PITHD1: variants seen among roughly 807,000 people sequenced by gnomAD.
PITHD1 encodes the protein PITH domain containing 1, also known as PITH domain-containing protein 1.
In PITHD1, 8 loss-of-function variants were observed where a neutral mutation model predicts 27.5. The ratio of observed to expected loss-of-function variants is 0.29; its 90% CI spans 0.17 to 0.52. The LOEUF (loss-of-function observed/expected upper bound fraction) is 0.52. PITHD1 is among the 20% of genes least tolerant of loss of function. The pLI is 0.96. For synonymous variants in PITHD1, 118 were observed against 106.8 expected (o/e 1.10, Z -0.64); for missense variants, 233 against 283.9 (o/e 0.82, Z 1.29).
rs1231823742 is a variant in PITHD1, at chr1:23,787,374, T to C, written c.634T>C (p.Ter212GlnextTer13). 2 of 1,571,660 alleles carry C rather than the reference T, an allele frequency of 1.3e-6. No individual in the cohort carries two copies. Among genetic ancestry groups the C allele is most frequent in the South Asian group, 1.1e-5 (1 of 89,540 alleles). ...QVTPQTHFIS[*>Q] ...TACCCCACAGACACACTTTATTTCC[T>C]AAGGGCTGGCCAAGGCTCCCATAGA... Residue 212 changes from the stop codon to glutamine, a stop_lost, in exon 6 of 6, where the codon TAA becomes CAA. Transcript: ENST00000246151.
chr1:23,779,044 G>A (rs1343129121), intron 1 of PITHD1, among the ~76,000 whole-genome samples: 1 of 152,128 alleles, frequency 6.6e-6, no homozygotes, highest in African/African-American at 2.4e-5. Context: ...TGGTGAAGAT[G>A]AGCCTAGGGA....
intron 3 of PITHD1, among the ~76,000 whole-genome samples, chr1:23,781,995 CATTAT>C (rs1638607680): frequency 6.6e-6 from 1 of 152,040 alleles, no homozygotes; most frequent in East Asian, 1.9e-4. Context: ...TAAAATGTAC[CATTAT>C]ATTCAATTAA....
At chr1:23,783,667 C>G (rs1397851336) in intron 3 of PITHD1, among the ~76,000 whole-genome samples, 1 of 151,700 alleles carries the variant, frequency 6.6e-6, no homozygotes, top group Non-Finnish European at 1.5e-5. Flanking sequence ...GTTGACCAGG[C>G]AGCTCTCGAA....
At chr1:23,783,389 ACATATATACG>A (rs1029179870) in intron 3 of PITHD1, among the ~76,000 whole-genome samples, 5 of 101,412 alleles carry the variant, frequency 4.9e-5, no homozygotes, top group African/African-American at 1.7e-4. Flanking sequence ...GTGTATATAT[ACATATATACG>A]CATATATACA....
intron 3 of PITHD1, among the ~76,000 whole-genome samples, chr1:23,782,170 G>A (rs1179174788): frequency 6.6e-6 from 1 of 152,172 alleles, no homozygotes; most frequent in East Asian, 1.9e-4. Flanking sequence ...TATAATCCCA[G>A]CACTTTGGGA....
At position 23,785,655 on chromosome 1, in the gene PITHD1, T is replaced by C. The variant is rs1185321702; in HGVS notation, c.321-20T>C. ...GTGATAATGCACATTTCTTGACTTT[T>C]CTTTCCTTTCCTTTCTCAGGTACAA... is the stretch of plus-strand genomic sequence containing the variant. On this transcript the variant is annotated intron_variant, in intron 3 of 5. Coordinates refer to ENST00000246151, the MANE Select transcript of PITHD1 (RefSeq NM_020362.5). The C allele has an allele frequency of 2.7e-6, 4 of 1,493,780 alleles. No homozygotes were observed. Among genetic ancestry groups the C allele is most frequent in the Non-Finnish European group, 1.9e-6 (2 of 1,072,124 alleles). 92.5% of individuals were successfully genotyped at this position (1,493,780 alleles called of 1,614,324 possible).
chr1:23,779,794 G>A, intron 2 of PITHD1, 70 bp from the exon 3 acceptor site: 1 of 1,142,736 alleles, frequency 8.8e-7, no homozygotes, highest in Non-Finnish European at 1.3e-6. Flanking sequence ...GAAGGGTCTT[G>A]CCCAGGGTCA....
In PITHD1 at chr1:23,787,279, G is replaced by A. The variant is rs1400129340; in HGVS notation, c.539G>A (p.Arg180His). 8.7e-6 allele frequency: 14 copies of A among 1,612,676 alleles called. No homozygotes were observed. Among genetic ancestry groups the A allele is most frequent in the East Asian group, 2.2e-5 (1 of 44,880 alleles). ...CCAGCCTCAATTTTCTTGCAGCTTC[G>A]CCGACACGAGGTGACCATCTGCAAT... is the stretch of plus-strand genomic sequence containing the variant. ...IGLRGEWTELRRHEVTICNYE... is the reference protein window; with the variant it reads ...IGLRGEWTELHRHEVTICNYE... The change falls in exon 6 of 6, where the codon CGC becomes CAC. Residue 180 changes from arginine to histidine, a missense_variant. Transcript: ENST00000246151.
chr1:23,784,687 A>G (rs1273442122), intron 3 of PITHD1, among the ~76,000 whole-genome samples: 2 of 151,360 alleles, frequency 1.3e-5, no homozygotes, highest in African/African-American at 4.9e-5. Context: ...TTTTTAGATT[A>G]CTCTTTGAAA....
rs755709753 is a variant in PITHD1, at chr1:23,787,354, C to T, written c.614C>T (p.Pro205Leu). Residue 205 changes from proline (P) to leucine (L), a missense_variant, in exon 6 of 6, where the codon CCA (proline) becomes CTA (leucine). Pro to Leu is a moderately conservative substitution (Grantham distance 98). Transcript: ENST00000246151. ...PADHRVHQVTPQTHFIS is the reference protein window; with the variant it reads ...PADHRVHQVTLQTHFIS Reference sequence around the variant, plus strand: ...GACCATAGGGTCCATCAGGTTACCCCACAGACACACTTTATTTCCTAAGGG... The same window carrying T: ...GACCATAGGGTCCATCAGGTTACCCTACAGACACACTTTATTTCCTAAGGG... 12 of 1,605,766 alleles carry T rather than the reference C, an allele frequency of 7.5e-6. No individual in the cohort carries two copies. The highest frequency in any genetic ancestry group is 1.0e-5 in the Non-Finnish European group (12 of 1,172,974).
chr1:23,781,571 A>G (rs1638602091), intron 3 of PITHD1, among the ~76,000 whole-genome samples: 1 of 152,166 alleles, frequency 6.6e-6, no homozygotes, highest in Non-Finnish European at 1.5e-5. Context: ...AAATCCATGT[A>G]TTTAATCATT....
chr1:23,779,348 C>A, intron 1 of PITHD1, 90 bp from the exon 2 acceptor site: 2 of 952,208 alleles, frequency 2.1e-6, no homozygotes, highest in Admixed American at 1.9e-5. Flanking sequence ...CATTGCACCC[C>A]AGTTGTAGAG....
intron 3 of PITHD1, among the ~76,000 whole-genome samples, chr1:23,784,563 T>C (rs1180715314): frequency 6.6e-6 from 1 of 152,164 alleles, no homozygotes. Flanking sequence ...ACATGCATTT[T>C]GCCCCAGCTA....
intron 3 of PITHD1, among the ~76,000 whole-genome samples, chr1:23,781,217 C>A (rs551412289): frequency 1.3e-5 from 2 of 152,148 alleles, no homozygotes; most frequent in Non-Finnish European, 2.9e-5. Context: ...AATCCCAGCA[C>A]TTTGGGAGGC....
At chr1:23,779,087 T>C (rs1332696926) in intron 1 of PITHD1, among the ~76,000 whole-genome samples, 1 of 152,174 alleles carries the variant, frequency 6.6e-6, no homozygotes, top group East Asian at 1.9e-4. Flanking sequence ...GAGCAAATGT[T>C]CTTTACATTG....
intron 3 of PITHD1, among the ~76,000 whole-genome samples, chr1:23,783,609 G>T (rs969907367): frequency 6.6e-6 from 1 of 151,778 alleles, no homozygotes; most frequent in Admixed American, 6.6e-5. Context: ...ACACCACCAG[G>T]CCTGGCTAAT....
chr1:23,782,487 G>GGGGA (rs1286578406), intron 3 of PITHD1, among the ~76,000 whole-genome samples: 1 of 151,800 alleles, frequency 6.6e-6, no homozygotes, highest in Non-Finnish European at 1.5e-5. Flanking sequence ...CCAGCACTTT[G>GGGGA]GGGAGGCCGA....
rs1334585105 is a variant in PITHD1, at chr1:23,779,850, T to C, written c.243-14T>C. The C allele has an allele frequency of 1.2e-6, 2 of 1,608,536 alleles. No homozygotes were observed. Among genetic ancestry groups the C allele is most frequent in the Non-Finnish European group, 1.7e-6 (2 of 1,175,034 alleles). On this transcript the variant is annotated splice_polypyrimidine_tract_variant and intron_variant, in intron 2 of 5. Transcript: ENST00000246151. ...AACTCAGGTTTGACAACCTTCTCTT[T>C]TGCATTCTGGCAGATTTACGGGCAA...
At chr1:23,785,638 GC>G in intron 3 of PITHD1, 36 bp from the exon 4 acceptor site, 3 of 1,311,522 alleles carry the variant, frequency 2.3e-6, no homozygotes, top group Non-Finnish European at 3.3e-6. Flanking sequence ...ACGTGATAAT[GC>G]ACATTTCTTG....
Sources: allele counts gnomAD v4.1 joint callset (sites outside exome capture counted in the v4.1 genomes callset), GRCh38; gene constraint gnomAD v4.1.1; transcripts MANE v1.5; gene names NCBI Gene and HGNC (gene_info 2026-07-23, HGNC 2026-07-21).